The following CTNNA2 variants were observed in gnomAD, a reference collection of about 807,000 sequenced individuals.
CTNNA2 encodes the protein catenin alpha-2.
A neutral mutation model predicts 101.0 loss-of-function variants in CTNNA2; 42 were observed. The observed-to-expected ratio is 0.42, with a 90% CI of 0.32 to 0.54. CTNNA2 has a LOEUF of 0.54. Among genes scored for constraint, CTNNA2 ranks in the 20% least tolerant of loss-of-function variants. The pLI, the probability that CTNNA2 is intolerant of heterozygous loss-of-function variation, is 0.14. For missense variants in CTNNA2, 871 were observed against 1,223.1 expected, an observed-to-expected ratio of 0.71 and a Z score of 4.29; for synonymous variants, 450 against 456.4, an observed-to-expected ratio of 0.99 and a Z score of 0.18.
intron 4 of CTNNA2, among the ~76,000 whole-genome samples, chr2:79,396,114 A>G (rs970910734): frequency 6.6e-6 from 1 of 152,128 alleles, no homozygotes; most frequent in Admixed American, 6.6e-5. Context: ...AATCATTCTA[A>G]TATGTCCAAA....
At chr2:80,478,829 G>T (rs1685923415) in intron 9 of CTNNA2, among the ~76,000 whole-genome samples, 1 of 151,930 alleles carries the variant, frequency 6.6e-6, no homozygotes, top group Non-Finnish European at 1.5e-5. Context: ...TTCCAGATTT[G>T]TTCTTTTTGC....
At chr2:79,245,832 G>A (rs1674693132) in intron 2 of CTNNA2, among the ~76,000 whole-genome samples, 1 of 152,118 alleles carries the variant, frequency 6.6e-6, no homozygotes, top group African/African-American at 2.4e-5. Context: ...GCAAACCCTG[G>A]TCTTGAGACC....
intron 13 of CTNNA2, among the ~76,000 whole-genome samples, chr2:80,576,045 C>T (rs1362511939): frequency 6.6e-6 from 1 of 152,054 alleles, no homozygotes; most frequent in Non-Finnish European, 1.5e-5. Context: ...TAAAAAATCC[C>T]TTGTGCTAAG....
At chr2:79,399,459 C>A (rs1584667) in intron 4 of CTNNA2, among the ~76,000 whole-genome samples, 115,860 of 151,984 alleles carry the variant, frequency 0.76, 44,498 homozygotes, top group East Asian at 0.93. Context: ...GTACCCAACA[C>A]ATATTGGTTC....
intron 9 of CTNNA2, among the ~76,000 whole-genome samples, chr2:80,520,771 C>T (rs149166463): frequency 1.1e-3 from 167 of 152,272 alleles, no homozygotes; most frequent in African/African-American, 3.8e-3. Context: ...TACTGAGAGA[C>T]TCTAAAGAGC....
At chr2:80,046,174 C>T (rs542016464) in intron 7 of CTNNA2, among the ~76,000 whole-genome samples, 1 of 152,142 alleles carries the variant, frequency 6.6e-6, no homozygotes, top group Non-Finnish European at 1.5e-5. Flanking sequence ...AGTGATAACA[C>T]AAGGAAGATT....
rs537868241 is a variant in CTNNA2, at chr2:80,098,216, CT to C, written c.1056+188421del. Among the ~76,000 whole-genome samples the C allele has an allele frequency of 2.9e-3, 449 of 152,234 alleles. 3 individuals carry two copies. Among genetic ancestry groups the C allele is most frequent in the African/African-American group, 0.01 (419 of 41,522 alleles). On this transcript the variant is annotated intron_variant, in intron 7 of 18. Transcript: ENST00000402739. Reference sequence around the variant, plus strand: ...ATGTCCTTTCTGTTTGTTAGTTTTCCTTCTAACAGTCAGGACCCTCAGCTGC... The same window carrying C: ...ATGTCCTTTCTGTTTGTTAGTTTTCCTCTAACAGTCAGGACCCTCAGCTGC...
intron 7 of CTNNA2, among the ~76,000 whole-genome samples, chr2:79,961,012 T>G (rs1017947275): frequency 6.6e-6 from 1 of 152,194 alleles, no homozygotes; most frequent in Non-Finnish European, 1.5e-5. Flanking sequence ...CACCATGCCT[T>G]TTTAATAGAA....
At chr2:80,232,948 T>C (rs1233570229) in intron 7 of CTNNA2, among the ~76,000 whole-genome samples, 1 of 152,230 alleles carries the variant, frequency 6.6e-6, no homozygotes, top group Admixed American at 6.5e-5. Context: ...AACTTTATCA[T>C]GTTTATTTTT....
intron 9 of CTNNA2, among the ~76,000 whole-genome samples, chr2:80,501,719 C>T (rs1343596067): frequency 1.3e-5 from 2 of 152,080 alleles, no homozygotes; most frequent in Admixed American, 6.5e-5. Flanking sequence ...ATTGGATATG[C>T]GGGGAAAGCC....
At chr2:80,184,850 C>T (rs1028349987) in intron 7 of CTNNA2, among the ~76,000 whole-genome samples, 2 of 152,102 alleles carry the variant, frequency 1.3e-5, no homozygotes, top group African/African-American at 2.4e-5. Flanking sequence ...TTTAAAATTT[C>T]CAATGATTGG....
chr2:79,600,963 C>A (rs1445191125), intron 1 of CTNNA2, among the ~76,000 whole-genome samples: 2 of 152,148 alleles, frequency 1.3e-5, no homozygotes, highest in Admixed American at 1.3e-4. Flanking sequence ...CTCCTAATAC[C>A]ATCACATTGT....
chr2:80,576,822 C>T (rs1250648923), intron 13 of CTNNA2, among the ~76,000 whole-genome samples: 5 of 142,660 alleles, frequency 3.5e-5, no homozygotes, highest in Non-Finnish European at 6.1e-5. Flanking sequence ...AAAAATCAGC[C>T]AGGCATGTTG....
At chr2:80,559,658 G>A (rs1307642795) in intron 12 of CTNNA2, among the ~76,000 whole-genome samples, 3 of 152,100 alleles carry the variant, frequency 2.0e-5, no homozygotes, top group African/African-American at 2.4e-5. Flanking sequence ...AACAATCTAG[G>A]CTGATGAAAA....
At position 80,419,614 on chromosome 2, in the gene CTNNA2, G is replaced by A. The variant is rs1573995848; in HGVS notation, c.1290+13G>A. On this transcript the variant is annotated intron_variant, in intron 9 of 18. Transcript: ENST00000402739. ...CAAACTGGTAGAGGTAAGTGTGGAGGGGCCTGAAGACTAGAGTTTACCGAT... is the reference window on the plus strand; with the variant it reads ...CAAACTGGTAGAGGTAAGTGTGGAGAGGCCTGAAGACTAGAGTTTACCGAT... 1.2e-6 allele frequency: 2 copies of A among 1,613,032 alleles called. No homozygotes were observed. The highest frequency in any genetic ancestry group is 8.5e-7 in the Non-Finnish European group (1 of 1,179,398).
chr2:80,555,815 A>G lies in CTNNA2; in HGVS notation c.1663A>G (p.Asn555Asp). Residue 555 changes from asparagine to aspartate, a missense_variant, in exon 12 of 19, where the codon AAT (asparagine) becomes GAT (aspartate). Coordinates refer to ENST00000402739, the MANE Select transcript of CTNNA2 (RefSeq NM_001282597.3). Reference sequence around the variant, plus strand: ...GGCAGCTCGAGTCATACACATCATCAATGCTGAGATGGAGAACTATGAAGC... The same window carrying G: ...GGCAGCTCGAGTCATACACATCATCGATGCTGAGATGGAGAACTATGAAGC... ...GRAARVIHIINAEMENYEAGV... is the reference protein window; with the variant it reads ...GRAARVIHIIDAEMENYEAGV... 1 of 1,598,722 alleles carries G rather than the reference A, an allele frequency of 6.3e-7. No individual in the cohort carries two copies. The highest frequency in any genetic ancestry group is 8.5e-7 in the Non-Finnish European group (1 of 1,172,858).
intron 3 of CTNNA2, among the ~76,000 whole-genome samples, chr2:79,342,763 T>G (rs1237361143): frequency 6.6e-6 from 1 of 152,172 alleles, no homozygotes; most frequent in Non-Finnish European, 1.5e-5. Flanking sequence ...ACTCTTGGGA[T>G]GCAAATTTAC....
intron 9 of CTNNA2, among the ~76,000 whole-genome samples, chr2:80,503,363 A>G (rs1356299878): frequency 6.6e-6 from 1 of 152,184 alleles, no homozygotes; most frequent in African/African-American, 2.4e-5. Context: ...ACAATCACAC[A>G]GTAGACAATG....
At chr2:79,617,092 C>T (rs896581736) in intron 1 of CTNNA2, among the ~76,000 whole-genome samples, 9 of 151,884 alleles carry the variant, frequency 5.9e-5, no homozygotes, top group African/African-American at 9.7e-5. Flanking sequence ...TTAGTAGAGA[C>T]GGGGTTTCAC....
Sources: allele counts gnomAD v4.1 joint callset (sites outside exome capture counted in the v4.1 genomes callset), GRCh38; gene constraint gnomAD v4.1.1; transcripts MANE v1.5; gene names NCBI Gene and HGNC (gene_info 2026-07-23, HGNC 2026-07-21).